The following EPB41L4A variants were observed in gnomAD, a reference collection of about 807,000 sequenced individuals.
EPB41L4A encodes band 4.1-like protein 4A.
EPB41L4A carries 100 observed loss-of-function variants against 108.6 expected under a neutral mutation model. The observed-to-expected ratio is 0.92, with a 90% CI of 0.78 to 1.09. The LOEUF (loss-of-function observed/expected upper bound fraction) is 1.09. EPB41L4A is among the 50% of genes least tolerant of loss of function. The probability of loss-of-function intolerance (pLI) is 0.00; values close to 1 mark genes in which losing one functional copy is unlikely to be tolerated. For synonymous variants in EPB41L4A, 319 were observed against 289.0 expected (o/e 1.10, Z -1.05); for missense variants, 1,030 against 842.7 (o/e 1.22, Z -2.75).
chr5:112,199,719 C>T (rs1200423071), intron 15 of EPB41L4A, among the ~76,000 whole-genome samples: 1 of 152,164 alleles, frequency 6.6e-6, no homozygotes, highest in African/African-American at 2.4e-5. Flanking sequence ...CTACGCAACA[C>T]ATCGAATTCA....
At chr5:112,357,973 G>T (rs1758470772) in intron 1 of EPB41L4A, among the ~76,000 whole-genome samples, 1 of 152,230 alleles carries the variant, frequency 6.6e-6, no homozygotes, top group African/African-American at 2.4e-5. Flanking sequence ...AGTCACACCG[G>T]TCTTCCTCAA....
rs1749632008 is a variant in EPB41L4A, at chr5:112,239,671, C to A, written c.954G>T (p.Lys318Asn). ...KLSKFGSIRY[K>N]HRYSGRTALQ... The stretch of plus-strand genomic sequence containing the variant: ...AAAATGTCATTTACCTGTAGCGGTG[C>A]TTATAACGTATGGATCCAAACTTGC... The change falls in exon 11 of 23, where the codon AAG becomes AAT. Residue 318 changes from lysine (K) to asparagine (N), a missense_variant. By Grantham distance (94) the Lys-to-Asn change is moderately conservative. Coordinates refer to ENST00000261486, the MANE Select transcript of EPB41L4A (RefSeq NM_022140.5). 3 of 1,603,998 alleles carry A rather than the reference C, an allele frequency of 1.9e-6. No individual in the cohort carries two copies. The highest frequency in any genetic ancestry group is 2.6e-6 in the Non-Finnish European group (3 of 1,175,344).
At chr5:112,152,937 G>T (rs1253252939) in intron 12 of EPB41L4A, among the ~76,000 whole-genome samples, 3 of 152,160 alleles carry the variant, frequency 2.0e-5, no homozygotes. Flanking sequence ...ATATATACAG[G>T]GCCAGGTGCA....
chr5:112,353,809 T>A (rs1758203628), intron 1 of EPB41L4A, among the ~76,000 whole-genome samples: 2 of 151,998 alleles, frequency 1.3e-5, no homozygotes, highest in Non-Finnish European at 2.9e-5. Flanking sequence ...TTGTGAGGCA[T>A]CCTGATGGTG....
At chr5:112,352,125 T>C (rs897019667) in intron 1 of EPB41L4A, among the ~76,000 whole-genome samples, 1 of 152,226 alleles carries the variant, frequency 6.6e-6, no homozygotes, top group Non-Finnish European at 1.5e-5. Flanking sequence ...CTAGTCTCAA[T>C]TTCATTTACT....
chr5:112,377,272 A>G (rs1209074105), intron 1 of EPB41L4A, among the ~76,000 whole-genome samples: 1 of 152,012 alleles, frequency 6.6e-6, no homozygotes, highest in African/African-American at 2.4e-5. Flanking sequence ...AATGCTCTGT[A>G]CCTTGAATAT....
chr5:112,178,288 G>A (rs1760973049), intron 18 of EPB41L4A, among the ~76,000 whole-genome samples: 1 of 152,096 alleles, frequency 6.6e-6, no homozygotes, highest in African/African-American at 2.4e-5. Context: ...CCTAACACCA[G>A]AGCTTCAAAA....
intron 12 of EPB41L4A, among the ~76,000 whole-genome samples, chr5:112,154,509 T>G (rs1053036490): frequency 2.0e-5 from 3 of 152,230 alleles, no homozygotes; most frequent in Non-Finnish European, 2.9e-5. Flanking sequence ...AGATAGTTTT[T>G]TCTTCAATAC....
chr5:112,412,812 T>C (rs982089567), intron 1 of EPB41L4A, among the ~76,000 whole-genome samples: 1 of 152,220 alleles, frequency 6.6e-6, no homozygotes, highest in Non-Finnish European at 1.5e-5. Context: ...GCAGCCAGTT[T>C]GATCTCTGAC....
At chr5:112,401,913 C>A (rs1761780003) in intron 1 of EPB41L4A, among the ~76,000 whole-genome samples, 1 of 152,208 alleles carries the variant, frequency 6.6e-6, no homozygotes, top group African/African-American at 2.4e-5. Flanking sequence ...CCACTTAGAG[C>A]AGCAAAATGT....
chr5:112,355,995 T>C (rs1758337135), intron 1 of EPB41L4A, among the ~76,000 whole-genome samples: 1 of 152,226 alleles, frequency 6.6e-6, no homozygotes, highest in African/African-American at 2.4e-5. Flanking sequence ...TTTGCAGTTT[T>C]TGAATGTATT....
At chr5:112,355,397 C>G (rs1758301933) in intron 1 of EPB41L4A, among the ~76,000 whole-genome samples, 1 of 152,162 alleles carries the variant, frequency 6.6e-6, no homozygotes, top group Non-Finnish European at 1.5e-5. Context: ...AAAGATCCTT[C>G]TCATGAGAAA....
chr5:112,154,020 A>C (rs527294805), intron 12 of EPB41L4A, among the ~76,000 whole-genome samples: 1 of 152,362 alleles, frequency 6.6e-6, no homozygotes, highest in African/African-American at 2.4e-5. Context: ...ACACACCAAT[A>C]TGGCCAAGTT....
intron 1 of EPB41L4A, among the ~76,000 whole-genome samples, chr5:112,388,964 T>C (rs934863997): frequency 6.6e-6 from 1 of 152,110 alleles, no homozygotes; most frequent in East Asian, 1.9e-4. Context: ...GAGTAAATTA[T>C]TGGTTTACAG....
chr5:112,142,350 A>G (rs949484083), downstream of EPB41L4A: 2 of 152,266 alleles, frequency 1.3e-5, no homozygotes, highest in Middle Eastern at 6.8e-3. Flanking sequence ...TCCTGTAAGC[A>G]CCATTTAAGA....
chr5:112,314,505 T>TA lies in EPB41L4A; in HGVS notation c.100-7016dup, dbSNP rs552428109. ...CAACAATGTGAAACCCCATCGCTAC[T>TA]AAAAAAAAAAAAAAAAAAAAAAAAA... On this transcript the variant is annotated intron_variant, in intron 1 of 22. Coordinates refer to ENST00000261486, the MANE Select transcript of EPB41L4A (RefSeq NM_022140.5). Among the ~76,000 whole-genome samples the TA allele has an allele frequency of 8.9e-3, 492 of 55,146 alleles. 45 individuals are homozygous for TA. The highest frequency in any genetic ancestry group is 0.011 in the Non-Finnish European group (347 of 32,900). The allele number at this position is 55,146 out of a possible 152,430, so 36.2% of individuals were successfully genotyped here.
chr5:112,254,671 T>C (rs563365316), intron 9 of EPB41L4A, among the ~76,000 whole-genome samples: 5 of 152,076 alleles, frequency 3.3e-5, no homozygotes, highest in South Asian at 4.1e-4. Flanking sequence ...CCAGAGGGAA[T>C]AGGCAGACAT....
intron 1 of EPB41L4A, among the ~76,000 whole-genome samples, chr5:112,396,257 A>G (rs562061042): frequency 1.3e-5 from 2 of 152,238 alleles, no homozygotes; most frequent in African/African-American, 4.8e-5. Context: ...ATTAAAAAAA[A>G]TTAAAAAAAA....
intron 2 of EPB41L4A, among the ~76,000 whole-genome samples, chr5:112,283,940 A>C (rs1753118252): frequency 6.6e-6 from 1 of 152,240 alleles, no homozygotes; most frequent in Non-Finnish European, 1.5e-5. Context: ...ATGTTCAAAA[A>C]AACTTTCTCA....
Sources: allele counts gnomAD v4.1 joint callset (sites outside exome capture counted in the v4.1 genomes callset), GRCh38; gene constraint gnomAD v4.1.1; transcripts MANE v1.5; gene names NCBI Gene and HGNC (gene_info 2026-07-23, HGNC 2026-07-21).